The following IL12RB2 variants were observed in gnomAD, a reference collection of about 807,000 sequenced individuals.
IL12RB2 encodes the protein interleukin-12 receptor subunit beta-2.
In IL12RB2, 82 loss-of-function variants were observed where a neutral mutation model predicts 89.4. That is an observed-to-expected ratio of 0.92 (90% CI 0.77 to 1.10). The LOEUF is 1.10. Among genes scored for constraint, IL12RB2 ranks in the 50% least tolerant of loss-of-function variants. The pLI, the probability that IL12RB2 is intolerant of heterozygous loss-of-function variation, is 0.00. For missense variants in IL12RB2, 963 were observed against 1,031.9 expected (o/e 0.93, Z 0.92); for synonymous variants, 368 against 370.1 (o/e 0.99, Z 0.07).
chr1:67,372,358 A>G (rs892859014), intron 11 of IL12RB2, 78 bp from the exon 12 acceptor site: 1 of 814,050 alleles, frequency 1.2e-6, no homozygotes, highest in Non-Finnish European at 2.2e-6. Context: ...AAGCATTTGT[A>G]TCAGATAATA....
intron 6 of IL12RB2, 37 bp downstream of exon 6, chr1:67,328,421 A>C (rs1165854985): frequency 3.1e-6 from 5 of 1,611,146 alleles, no homozygotes; most frequent in Non-Finnish European, 4.2e-6. Flanking sequence ...GTACTTTATA[A>C]TTATTTTTAA....
intron 6 of IL12RB2, 122 bp downstream of exon 6, chr1:67,328,506 C>G: frequency 6.5e-7 from 1 of 1,537,332 alleles, no homozygotes; most frequent in South Asian, 1.2e-5. Context: ...CAGGCATAAG[C>G]AAAAGATAGA....
Position 67,398,502 on chromosome 1 carries a change from C to CA in IL12RB2, c.*2425dup, listed in dbSNP as rs758016607. On this transcript the variant is annotated 3_prime_UTR_variant, in exon 17 of 17. Coordinates refer to ENST00000674203, the MANE Select transcript of IL12RB2 (RefSeq NM_001374259.2). ...ATACTGCAGTCCTCATTTGTCTTCC[C>CA]AAAAAAAAAAAAGAATTTTTTTTTT... 7.7e-4 allele frequency among the ~76,000 whole-genome samples: 105 copies of CA among 136,872 alleles called. No homozygotes were observed. Among genetic ancestry groups the CA allele is most frequent in the Middle Eastern group, 3.8e-3 (1 of 266 alleles). 89.8% of individuals were successfully genotyped at this position (136,872 alleles called of 152,430 possible).
chr1:67,337,800 C>A (rs1658959859), intron 8 of IL12RB2, among the ~76,000 whole-genome samples: 1 of 149,716 alleles, frequency 6.7e-6, no homozygotes, highest in Non-Finnish European at 1.5e-5. Flanking sequence ...TGGAGATGAA[C>A]ACAAGGTTTG....
Position 67,328,381 on chromosome 1 carries a change from A to G in IL12RB2, c.661A>G (p.Ile221Val), listed in dbSNP as rs201722402. 63 of 1,614,146 alleles carry G rather than the reference A, an allele frequency of 3.9e-5. No homozygotes were observed. The highest frequency in any genetic ancestry group is 5.1e-5 in the Non-Finnish European group (60 of 1,180,026). The change falls in exon 6 of 17, where the codon ATA becomes GTA. Residue 221 changes from isoleucine to valine, a missense_variant. By Grantham distance (29) the Ile-to-Val change is conservative. Coordinates refer to ENST00000674203, the MANE Select transcript of IL12RB2 (RefSeq NM_001374259.2). ...SLPSTFTFLDIVRPLPPWDIR... is the reference protein window; with the variant it reads ...SLPSTFTFLDVVRPLPPWDIR... ...TCCATCCACATTCACATTCTTGGAC[A>G]TAGGTACATTTTATTTCACTGTTTC...
chr1:67,316,273 C>T (rs924680630), intron 2 of IL12RB2, among the ~76,000 whole-genome samples: 1 of 152,038 alleles, frequency 6.6e-6, no homozygotes, highest in Non-Finnish European at 1.5e-5. Context: ...TTCACTCTGA[C>T]CTGAAGACAT....
rs757419348 is a variant in IL12RB2, at chr1:67,350,859, T to C, written c.1039-11T>C. ...TGGGAGTAAATAGTGAATAAATGTGTCTTGTTGCAGAATCTGAGTGTCTCA... is the reference window on the plus strand; with the variant it reads ...TGGGAGTAAATAGTGAATAAATGTGCCTTGTTGCAGAATCTGAGTGTCTCA... On this transcript the variant is annotated splice_polypyrimidine_tract_variant and intron_variant, in intron 9 of 16. Transcript: ENST00000674203. The C allele has an allele frequency of 4.3e-6, 7 of 1,613,640 alleles. No homozygotes were observed. The East Asian group carries it at 8.9e-5, about 21-fold the overall frequency.
intron 1 of IL12RB2, among the ~76,000 whole-genome samples, chr1:67,309,045 C>T (rs12095259): frequency 2.0e-5 from 3 of 149,370 alleles, no homozygotes. Context: ...CATACATATA[C>T]ATATATATAT....
chr1:67,359,480 G>A (rs1186546403), intron 10 of IL12RB2, among the ~76,000 whole-genome samples: 8 of 152,164 alleles, frequency 5.3e-5, no homozygotes, highest in Admixed American at 4.6e-4. Context: ...CCAGCACTTT[G>A]CGGGGCTGAG....
At chr1:67,354,227 G>A (rs184642111) in intron 10 of IL12RB2, among the ~76,000 whole-genome samples, 21 of 152,282 alleles carry the variant, frequency 1.4e-4, no homozygotes, top group Admixed American at 1.4e-3. Flanking sequence ...CAAGTATAGA[G>A]AGACAAAGTG....
In IL12RB2 at chr1:67,324,284, G is replaced by T. The variant is rs972199157; in HGVS notation, c.364+2395G>T. Among the ~76,000 whole-genome samples the T allele has an allele frequency of 2.6e-5, 4 of 152,268 alleles. No homozygotes were observed. The South Asian group carries it at 8.3e-4, about 32-fold the overall frequency. On this transcript the variant is annotated intron_variant, in intron 4 of 16. Coordinates refer to ENST00000674203, the MANE Select transcript of IL12RB2 (RefSeq NM_001374259.2). ...GTTGCCCAAGCTGGAGTGCGGTGGC[G>T]CAATCTCGTCTCACTTCAACCTCTG...
chr1:67,355,017 G>A (rs560850630), intron 10 of IL12RB2, among the ~76,000 whole-genome samples: 1 of 152,292 alleles, frequency 6.6e-6, no homozygotes, highest in South Asian at 2.1e-4. Context: ...TTGGGAGGCT[G>A]AGGCAGGGGG....
chr1:67,334,374 T>C (rs955038722), intron 8 of IL12RB2, among the ~76,000 whole-genome samples: 6 of 152,234 alleles, frequency 3.9e-5, no homozygotes, highest in African/African-American at 1.4e-4. Context: ...CAAGCTGCCA[T>C]TGACAATACC....
At chr1:67,322,882 C>T (rs6672745) in intron 4 of IL12RB2, among the ~76,000 whole-genome samples, 13,093 of 152,240 alleles carry the variant, frequency 0.086, 651 homozygotes, top group Middle Eastern at 0.17. Context: ...CAACCTGTGG[C>T]CCATAGCCTT....
chr1:67,391,423 T>C (rs955278841), intron 16 of IL12RB2, among the ~76,000 whole-genome samples: 1 of 148,048 alleles, frequency 6.8e-6, no homozygotes, highest in Non-Finnish European at 1.5e-5. Flanking sequence ...GTTTTATATA[T>C]ATGTATACAA....
intron 13 of IL12RB2, among the ~76,000 whole-genome samples, chr1:67,378,505 T>G (rs1182004967): frequency 2.0e-5 from 3 of 152,182 alleles, no homozygotes; most frequent in Non-Finnish European, 1.5e-5. Context: ...AGATCCTCAT[T>G]AAGCTAAGGG....
At chr1:67,386,762 A>G in intron 15 of IL12RB2, 93 bp downstream of exon 15, 1 of 862,096 alleles carries the variant, frequency 1.2e-6, no homozygotes, top group Non-Finnish European at 2.0e-6. Flanking sequence ...GGACACTCTC[A>G]CACATTCCTG....
intron 8 of IL12RB2, 29 bp downstream of exon 8, chr1:67,330,839 G>A (rs535946937): frequency 7.2e-5 from 94 of 1,310,530 alleles, no homozygotes; most frequent in South Asian, 6.1e-4. Context: ...CATACCTATC[G>A]GGGAGCAATA....
intron 15 of IL12RB2, among the ~76,000 whole-genome samples, chr1:67,387,281 A>G (rs1162159483): frequency 1.3e-5 from 2 of 152,090 alleles, no homozygotes; most frequent in African/African-American, 4.8e-5. Context: ...GTTCACTGTA[A>G]TAATTTTCAG....
Sources: gnomAD v4.1 joint callset for allele counts (sites outside exome capture counted in the v4.1 genomes callset) on GRCh38, gnomAD v4.1.1 for gene constraint, MANE v1.5 for transcripts, NCBI Gene and HGNC (gene_info 2026-07-23, HGNC 2026-07-21) for gene names.